DIAPH2: variants seen among roughly 807,000 people sequenced by gnomAD.
The protein encoded by DIAPH2 is diaphanous related formin 2.
Under a neutral mutation model 92.7 loss-of-function variants are expected in DIAPH2, and 35 were observed. That is an observed-to-expected ratio of 0.38 (90% CI 0.29 to 0.50). DIAPH2 has a LOEUF of 0.50. Ranked by LOEUF, DIAPH2 falls within the 20% of genes least tolerant of loss-of-function variation. DIAPH2 has a pLI of 0.94. For missense variants in DIAPH2, 701 were observed against 819.5 expected, an observed-to-expected ratio of 0.86 and a Z score of 1.77; for synonymous variants, 301 against 280.4, an observed-to-expected ratio of 1.07 and a Z score of -0.73.
At chrX:97,179,017 G>A (rs1265593439) in intron 22 of DIAPH2, among the ~76,000 whole-genome samples, 2 of 111,431 alleles carry the variant, frequency 1.8e-5, no homozygotes, top group Non-Finnish European at 3.8e-5. Context: ...CCAAAAGTGT[G>A]AGAAATGATT....
At chrX:97,354,153 C>T (rs2147697623) in intron 24 of DIAPH2, among the ~76,000 whole-genome samples, 1 of 110,953 alleles carries the variant, frequency 9.0e-6, no homozygotes, top group South Asian at 3.9e-4. Flanking sequence ...TCTCCAAGCC[C>T]ACTGACACTA....
In DIAPH2 at chrX:96,889,443, T is replaced by C. The variant is rs915497068; in HGVS notation, c.587+7725T>C. Among the ~76,000 whole-genome samples, 21 of 112,269 alleles carry C rather than the reference T, an allele frequency of 1.9e-4. No homozygotes were observed. The Middle Eastern group carries it at 0.014, about 74-fold the overall frequency. On this transcript the variant is annotated intron_variant, in intron 5 of 26. Coordinates refer to ENST00000324765, the MANE Select transcript of DIAPH2 (RefSeq NM_006729.5). ...TGATATTTATTCCAATTTGCCATCA[T>C]GTGATAAATTACGAAAACAATTTTT...
At chrX:96,724,075 C>G (rs1269363068) in intron 1 of DIAPH2, among the ~76,000 whole-genome samples, 3 of 109,194 alleles carry the variant, frequency 2.7e-5, no homozygotes, top group Non-Finnish European at 5.7e-5. Context: ...AGGCGCCCAC[C>G]ACCACGCATG....
intron 22 of DIAPH2, among the ~76,000 whole-genome samples, chrX:97,200,637 G>C: frequency 8.9e-6 from 1 of 112,029 alleles, no homozygotes; most frequent in African/African-American, 3.2e-5. Context: ...CTCTCTGAAG[G>C]AAATGCCACA....
chrX:96,695,531 G>A (rs1427536762), intron 1 of DIAPH2, among the ~76,000 whole-genome samples: 1 of 111,506 alleles, frequency 9.0e-6, no homozygotes, highest in African/African-American at 3.3e-5. Context: ...ATTTTAAATG[G>A]CCATTATCTC....
intron 22 of DIAPH2, among the ~76,000 whole-genome samples, chrX:97,220,090 A>G (rs1271439221): frequency 9.0e-6 from 1 of 111,408 alleles, no homozygotes; most frequent in Non-Finnish European, 1.9e-5. Flanking sequence ...AATTACACCT[A>G]TATTTATTGC....
Position 97,578,417 on chromosome X carries a change from G to A in DIAPH2, c.3242-20836G>A, listed in dbSNP as rs1165019974. ...TTCCCACCTATGAGTGAGAATATGC[G>A]GTGTTTGGTTTTTTGCTCTTGCGAT... On this transcript the variant is annotated intron_variant, in intron 26 of 26. Transcript: ENST00000324765. Among the ~76,000 whole-genome samples the A allele has an allele frequency of 4.7e-5, 5 of 106,023 alleles. No individual in the cohort carries two copies. In the East Asian group the frequency reaches 1.5e-3, roughly 32 times the overall value. 92.1% of individuals were successfully genotyped at this position (106,023 alleles called of 115,157 possible).
At chrX:97,379,365 A>T (rs2069532271) in intron 24 of DIAPH2, among the ~76,000 whole-genome samples, 1 of 112,335 alleles carries the variant, frequency 8.9e-6, no homozygotes, top group Non-Finnish European at 1.9e-5. Flanking sequence ...CTTGCTGTTC[A>T]AACTTTTAAA....
intron 3 of DIAPH2, among the ~76,000 whole-genome samples, chrX:96,755,209 A>G (rs1294721600): frequency 3.6e-5 from 4 of 111,783 alleles, no homozygotes; most frequent in Non-Finnish European, 5.6e-5. Flanking sequence ...CACAAAATTT[A>G]TAGGTATTGA....
chrX:97,000,736 A>G (rs1161344217), intron 17 of DIAPH2, among the ~76,000 whole-genome samples: 1 of 111,468 alleles, frequency 9.0e-6, no homozygotes, highest in African/African-American at 3.3e-5. Context: ...AAAAATTAGT[A>G]TTTTCCCAAA....
intron 4 of DIAPH2, among the ~76,000 whole-genome samples, chrX:96,859,385 A>C (rs1462373206): frequency 1.8e-5 from 2 of 110,167 alleles, no homozygotes; most frequent in East Asian, 5.7e-4. Context: ...AAAAACAGGA[A>C]TTTTAGTTGA....
chrX:97,593,461 A>G (rs1453726379), intron 26 of DIAPH2, among the ~76,000 whole-genome samples: 1 of 110,347 alleles, frequency 9.1e-6, no homozygotes, highest in Non-Finnish European at 1.9e-5. Flanking sequence ...ATTATAGATA[A>G]TTTAAATAGT....
rs377060271 is a variant in DIAPH2, at chrX:96,750,247, C to T, written c.343-7907C>T. ...TTTGCCATGTCGGCCAGGCTGGTCTCGAACTCCTGACCTCAGGTGATCCGC... is the reference window on the plus strand; with the variant it reads ...TTTGCCATGTCGGCCAGGCTGGTCTTGAACTCCTGACCTCAGGTGATCCGC... On this transcript the variant is annotated intron_variant, in intron 3 of 26. Coordinates refer to ENST00000324765, the MANE Select transcript of DIAPH2 (RefSeq NM_006729.5). Among the ~76,000 whole-genome samples, 32 of 109,563 alleles carry T rather than the reference C, an allele frequency of 2.9e-4. No individual in the cohort carries two copies. In the South Asian group the frequency reaches 0.01, roughly 35 times the overall value.
chrX:97,570,133 G>GATAA (rs72088956), intron 26 of DIAPH2, among the ~76,000 whole-genome samples: 15,143 of 54,550 alleles, frequency 0.28, 2,768 homozygotes, highest in South Asian at 0.55. Flanking sequence ...TTAGAAGATA[G>GATAA]ATAGATAGAT....
At chrX:97,284,512 A>G (rs980046941) in intron 23 of DIAPH2, among the ~76,000 whole-genome samples, 3 of 109,225 alleles carry the variant, frequency 2.7e-5, no homozygotes, top group Non-Finnish European at 5.7e-5. Context: ...CGGGAGGCTA[A>G]GGTAAGAGAA....
intron 9 of DIAPH2, among the ~76,000 whole-genome samples, chrX:96,922,019 G>A (rs371164857): frequency 4.5e-5 from 5 of 110,858 alleles, no homozygotes; most frequent in East Asian, 2.8e-4. Context: ...CCCATATGCC[G>A]GACAGTGTTT....
rs2065000545 is a variant in DIAPH2, at chrX:96,850,550, T to G, written c.448-31029T>G. On this transcript the variant is annotated intron_variant, in intron 4 of 26. Coordinates refer to ENST00000324765, the MANE Select transcript of DIAPH2 (RefSeq NM_006729.5). ...TCTCATAACCATTATGTGATACTGC[T>G]TCATAGCCATTGTGTGAGACTTTAA... Among the ~76,000 whole-genome samples, 3 of 112,151 alleles carry G rather than the reference T, an allele frequency of 2.7e-5. No homozygotes were observed. The South Asian group carries it at 1.1e-3, about 42-fold the overall frequency.
At chrX:97,545,124 CT>C (rs1436371759) in intron 26 of DIAPH2, among the ~76,000 whole-genome samples, 26 of 111,083 alleles carry the variant, frequency 2.3e-4, no homozygotes, top group Non-Finnish European at 2.3e-4. Context: ...CTGACTATAT[CT>C]TACCTTTCCT....
At position 97,514,070 on chromosome X, in the gene DIAPH2, G is replaced by A. The variant is rs769211694; in HGVS notation, c.3241+84325G>A. Among the ~76,000 whole-genome samples, 4 of 107,395 alleles carry A rather than the reference G, an allele frequency of 3.7e-5. No homozygotes were observed. In the South Asian group the frequency reaches 1.6e-3, roughly 44 times the overall value. The allele number at this position is 107,395 out of a possible 115,157, so 93.3% of individuals were successfully genotyped here. A position where few individuals can be genotyped will look rare whatever the true frequency, so the allele number is the denominator to read the frequency against. ...GAACGTTGGCCTGCCTTGCTAGATT[G>A]GGGAAATTCTCCTGGATAATATCCT... On this transcript the variant is annotated intron_variant, in intron 26 of 26. Transcript: ENST00000324765.
Sources: allele counts gnomAD v4.1 joint callset (sites outside exome capture counted in the v4.1 genomes callset), GRCh38; gene constraint gnomAD v4.1.1; transcripts MANE v1.5; gene names NCBI Gene and HGNC (gene_info 2026-07-23, HGNC 2026-07-21).